Variants in LRP1B observed in about 807,000 individuals in gnomAD.
The protein encoded by LRP1B is low-density lipoprotein receptor-related protein 1B.
In LRP1B, 217 loss-of-function variants were observed where a neutral mutation model predicts 556.6. The observed-to-expected ratio is 0.39, with a 90% CI of 0.35 to 0.44. The LOEUF is 0.44. Ranked by LOEUF, LRP1B falls within the 20% of genes least tolerant of loss-of-function variation. LRP1B has a pLI of 1.00. For synonymous variants in LRP1B, 2,047 were observed against 1,865.8 expected (o/e 1.10, Z -2.50); for missense variants, 5,053 against 5,620.8 (o/e 0.90, Z 3.23).
intron 2 of LRP1B, among the ~76,000 whole-genome samples, chr2:141,544,860 T>C (rs1413572771): frequency 1.3e-5 from 2 of 151,398 alleles, no homozygotes; most frequent in African/African-American, 4.9e-5. Flanking sequence ...GAAGTGGTGT[T>C]TCACCATGTT....
chr2:140,663,715 G>C (rs972176171), intron 41 of LRP1B, among the ~76,000 whole-genome samples: 1 of 152,052 alleles, frequency 6.6e-6, no homozygotes, highest in Non-Finnish European at 1.5e-5. Context: ...CTTATCATTC[G>C]TGTGTTCACT....
At chr2:140,240,209 TC>T (rs5834723) in intron 87 of LRP1B, among the ~76,000 whole-genome samples, 20,638 of 150,830 alleles carry the variant, frequency 0.14, 1,801 homozygotes, top group East Asian at 0.31. Flanking sequence ...TTTCTCATGT[TC>T]TAGTTTCTGA....
chr2:140,591,416 C>T (rs1195811208), intron 43 of LRP1B, among the ~76,000 whole-genome samples: 1 of 152,110 alleles, frequency 6.6e-6, no homozygotes, highest in African/African-American at 2.4e-5. Flanking sequence ...ATTGACAGAC[C>T]CAACATCCCA....
chr2:140,628,346 C>T (rs755084370), intron 41 of LRP1B, among the ~76,000 whole-genome samples: 9 of 151,988 alleles, frequency 5.9e-5, no homozygotes, highest in East Asian at 3.9e-4. Context: ...CTGGCTAACA[C>T]GTGAAACCCC....
chr2:141,544,333 TC>T (rs149353236), intron 2 of LRP1B, among the ~76,000 whole-genome samples: 2,841 of 76,584 alleles, frequency 0.037, 65 homozygotes, highest in South Asian at 0.084. Flanking sequence ...TTCTTCTTCT[TC>T]TTCTTCTTCT....
chr2:140,472,998 G>A (rs1382104539), intron 60 of LRP1B, among the ~76,000 whole-genome samples: 2 of 152,030 alleles, frequency 1.3e-5, no homozygotes, highest in East Asian at 3.9e-4. Context: ...AAAAGTTATC[G>A]ATATAAATGT....
chr2:141,969,801 G>T (rs1335241834), intron 1 of LRP1B, among the ~76,000 whole-genome samples: 1 of 151,510 alleles, frequency 6.6e-6, no homozygotes, highest in African/African-American at 2.4e-5. Flanking sequence ...CCAGTAGTGG[G>T]ATTTCTGTAT....
At chr2:141,562,245 T>C (rs1261372803) in intron 2 of LRP1B, among the ~76,000 whole-genome samples, 1 of 151,958 alleles carries the variant, frequency 6.6e-6, no homozygotes, top group Non-Finnish European at 1.5e-5. Context: ...TCACACGAAC[T>C]ATGTCAGAGG....
chr2:140,414,957 T>A (rs1685121577), intron 66 of LRP1B, among the ~76,000 whole-genome samples: 1 of 152,148 alleles, frequency 6.6e-6, no homozygotes, highest in Admixed American at 6.5e-5. Flanking sequence ...ATTCTTTTCC[T>A]AGCAGGGAAT....
intron 2 of LRP1B, among the ~76,000 whole-genome samples, chr2:141,522,698 G>T (rs1428506913): frequency 2.0e-5 from 3 of 152,112 alleles, no homozygotes; most frequent in African/African-American, 4.8e-5. Flanking sequence ...TCACCATGAG[G>T]CCATGTGTGG....
chr2:141,839,728 T>G (rs567302349), intron 1 of LRP1B, among the ~76,000 whole-genome samples: 1 of 152,246 alleles, frequency 6.6e-6, no homozygotes, highest in Non-Finnish European at 1.5e-5. Context: ...TGAACCTGAA[T>G]GAGACTCTAT....
intron 21 of LRP1B, among the ~76,000 whole-genome samples, chr2:140,915,076 C>G (rs576032479): frequency 6.6e-6 from 1 of 152,034 alleles, no homozygotes; most frequent in African/African-American, 2.4e-5. Flanking sequence ...TGGTGACCAT[C>G]GAAACAGCCA....
At chr2:141,920,931 A>C (rs1574494024) in intron 1 of LRP1B, among the ~76,000 whole-genome samples, 1 of 152,130 alleles carries the variant, frequency 6.6e-6, no homozygotes, top group Admixed American at 6.5e-5. Flanking sequence ...TGTTGACATT[A>C]TCAGAATGTA....
chr2:141,433,762 C>T (rs1680655408), intron 3 of LRP1B, among the ~76,000 whole-genome samples: 1 of 151,826 alleles, frequency 6.6e-6, no homozygotes, highest in African/African-American at 2.4e-5. Context: ...ATTTTTCCTA[C>T]ATGGAGTTTG....
intron 3 of LRP1B, among the ~76,000 whole-genome samples, chr2:141,412,011 A>G (rs140806950): frequency 6.6e-6 from 1 of 152,108 alleles, no homozygotes. Flanking sequence ...AAATATAAAA[A>G]GGAACTATTA....
At chr2:141,863,853 G>T (rs1698326243) in intron 1 of LRP1B, among the ~76,000 whole-genome samples, 1 of 151,956 alleles carries the variant, frequency 6.6e-6, no homozygotes, top group East Asian at 1.9e-4. Flanking sequence ...TTTCATGGTG[G>T]TCGCATAACC....
intron 7 of LRP1B, 103 bp downstream of exon 7, chr2:141,188,318 T>C: frequency 1.2e-5 from 13 of 1,115,400 alleles, no homozygotes; most frequent in Non-Finnish European, 1.7e-5. Context: ...TCTAAAAAGT[T>C]TGAGTCTGTA....
At chr2:141,150,914 T>TGTGTGTGTGTGTGTG (rs1558894867) in intron 7 of LRP1B, among the ~76,000 whole-genome samples, 5 of 150,914 alleles carry the variant, frequency 3.3e-5, no homozygotes, top group Admixed American at 6.6e-5. Flanking sequence ...TGTGTGTGTG[T>TGTGTGTGTGTGTGTG]TTGCCATGCT....
chr2:140,417,504 GT>G (rs1226212051), intron 66 of LRP1B, among the ~76,000 whole-genome samples: 1 of 152,216 alleles, frequency 6.6e-6, no homozygotes, highest in African/African-American at 2.4e-5. Context: ...AACAAGGCTT[GT>G]TTTTGTGCAA....
Sources: gnomAD v4.1 joint callset for allele counts (sites outside exome capture counted in the v4.1 genomes callset) on GRCh38, gnomAD v4.1.1 for gene constraint, MANE v1.5 for transcripts, NCBI Gene and HGNC (gene_info 2026-07-23, HGNC 2026-07-21) for gene names.